The following NUCB1 variants were observed in gnomAD, a reference collection of about 807,000 sequenced individuals.
NUCB1 encodes nucleobindin-1.
A neutral mutation model predicts 61.2 loss-of-function variants in NUCB1; 47 were observed. The observed-to-expected ratio is 0.77, with a 90% CI of 0.61 to 0.98. NUCB1 has a LOEUF of 0.98. Ranked by LOEUF, NUCB1 falls within the 50% of genes least tolerant of loss-of-function variation. The pLI is 0.00. For missense variants in NUCB1, 583 were observed against 605.3 expected, an observed-to-expected ratio of 0.96 and a Z score of 0.39; for synonymous variants, 234 against 243.1, an observed-to-expected ratio of 0.96 and a Z score of 0.35.
At chr19:48,901,573 G>A (rs2037353665) in intron 2 of NUCB1, among the ~76,000 whole-genome samples, 1 of 152,188 alleles carries the variant, frequency 6.6e-6, no homozygotes, top group African/African-American at 2.4e-5. Context: ...AGACCAGCCT[G>A]GCCAACATGG....
chr19:48,905,919 G>GGGGGGTGGGGGGGGGGGGGGGGGGGGC, intron 4 of NUCB1, 34 bp downstream of exon 4: 1 of 1,236,170 alleles, frequency 8.1e-7, no homozygotes, highest in Non-Finnish European at 1.1e-6. Context: ...GACAGGCAGG[G>GGGGGGTGGGGGGGGGGGGGGGGGGGGC]AGGGGTGGGG....
chr19:48,910,369 C>T (rs2037458939), intron 4 of NUCB1, among the ~76,000 whole-genome samples: 1 of 59,746 alleles, frequency 1.7e-5, no homozygotes, highest in Non-Finnish European at 3.2e-5. Flanking sequence ...AGCCACCGCA[C>T]CCAGCCTTGT....
chr19:48,908,112 T>C (rs930684335), intron 4 of NUCB1, among the ~76,000 whole-genome samples: 12 of 152,110 alleles, frequency 7.9e-5, no homozygotes, highest in African/African-American at 2.9e-4. Flanking sequence ...GACTGGGTGC[T>C]CCAAGAGGCA....
At chr19:48,920,557 C>G (rs2037597637) in intron 10 of NUCB1, among the ~76,000 whole-genome samples, 1 of 151,962 alleles carries the variant, frequency 6.6e-6, no homozygotes, top group Non-Finnish European at 1.5e-5. Context: ...GAGTTTTGCT[C>G]TTGTTGCCCA....
chr19:48,904,285 A>G (rs1600052323), intron 2 of NUCB1, 62 bp from the exon 3 acceptor site: 1 of 1,101,602 alleles, frequency 9.1e-7, no homozygotes, highest in East Asian at 2.4e-5. Context: ...TAGCAGTAAC[A>G]GGAGTGAGGG....
rs757393286 is a variant in NUCB1, at chr19:48,921,947, C to T, written c.1279+15C>T. 1.7e-5 allele frequency: 26 copies of T among 1,567,546 alleles called. No homozygotes were observed. The South Asian group carries it at 2.4e-4, about 14-fold the overall frequency. ...CCCAGACACAGGTGCTGGCCCTAGT[C>T]CAGGGAGGAGGGGCTGCAGGGCTGG... On this transcript the variant is annotated intron_variant, in intron 12 of 12. Transcript: ENST00000405315.
intron 1 of NUCB1, 185 bp downstream of exon 1, chr19:48,900,557 G>A (rs1025989849): frequency 5.1e-6 from 3 of 583,778 alleles, no homozygotes; most frequent in Admixed American, 6.3e-5. Context: ...ATTCCTGAGT[G>A]TGAGAGAGGA....
chr19:48,917,650 T>C (rs950802118), intron 7 of NUCB1, among the ~76,000 whole-genome samples: 1 of 152,052 alleles, frequency 6.6e-6, no homozygotes, highest in Non-Finnish European at 1.5e-5. Flanking sequence ...GCACTTGGCA[T>C]TATGCCTGGC....
At chr19:48,920,055 C>T (rs1448293478) in intron 10 of NUCB1, among the ~76,000 whole-genome samples, 1 of 151,342 alleles carries the variant, frequency 6.6e-6, no homozygotes, top group Non-Finnish European at 1.5e-5. Context: ...AGGCATGCAC[C>T]ACCGCACCAC....
At chr19:48,909,248 TA>T (rs539489679) in intron 4 of NUCB1, among the ~76,000 whole-genome samples, 5,201 of 133,462 alleles carry the variant, frequency 0.039, 219 homozygotes, top group African/African-American at 0.15. Context: ...TTATTATTAT[TA>T]TTTTTTTTTT....
In NUCB1 at chr19:48,923,287, C is replaced by T. The variant is rs952955369; in HGVS notation, c.*863C>T. On this transcript the variant is annotated 3_prime_UTR_variant, in exon 13 of 13. Transcript: ENST00000405315. ...CTGGAACAAATGCATGGCTCCATGC[C>T]TGTGTATCTGGACTGGTCCCTCCAA... 5 of 152,336 alleles carry T rather than the reference C, an allele frequency of 3.3e-5. No individual in the cohort carries two copies. The highest frequency in any genetic ancestry group is 4.8e-5 in the African/African-American group (2 of 41,458). 9.4% of individuals were successfully genotyped at this position (152,336 alleles called of 1,614,324 possible).
At chr19:48,918,647 G>A in intron 7 of NUCB1, 79 bp from the exon 8 acceptor site, 3 of 1,217,128 alleles carry the variant, frequency 2.5e-6, no homozygotes, top group Non-Finnish European at 3.7e-6. Context: ...CCCCACATCA[G>A]CCCAAAATTT....
chr19:48,902,831 G>C (rs538691049), intron 2 of NUCB1, among the ~76,000 whole-genome samples: 1 of 152,022 alleles, frequency 6.6e-6, no homozygotes, highest in African/African-American at 2.4e-5. Flanking sequence ...AGTTGAGGAC[G>C]TCAAGGAGGC....
intron 7 of NUCB1, 62 bp from the exon 8 acceptor site, chr19:48,918,664 C>G (rs760199608): frequency 7.1e-7 from 1 of 1,418,082 alleles, no homozygotes; most frequent in East Asian, 2.3e-5. Context: ...ATTTCTTCAC[C>G]AGGGACCTTA....
chr19:48,911,073 T>C (rs1316370501), intron 4 of NUCB1, 76 bp from the exon 5 acceptor site: 10 of 1,107,228 alleles, frequency 9.0e-6, no homozygotes, highest in Middle Eastern at 4.0e-4. Context: ...CGTGACTTCT[T>C]TGGATCATGT....
intron 5 of NUCB1, 150 bp from the exon 6 acceptor site, chr19:48,912,861 A>AAC (rs1555791692): frequency 1.1e-5 from 5 of 442,336 alleles, no homozygotes; most frequent in Non-Finnish European, 1.6e-5. Flanking sequence ...AAAAAAAAAA[A>AAC]AGGGACATTA....
intron 5 of NUCB1, among the ~76,000 whole-genome samples, chr19:48,911,496 C>G (rs188861581): frequency 6.6e-6 from 1 of 151,310 alleles, no homozygotes; most frequent in Admixed American, 6.6e-5. Flanking sequence ...ACCTCCGCCT[C>G]CCGGGTTCAA....
At chr19:48,903,438 A>G (rs1463870799) in intron 2 of NUCB1, among the ~76,000 whole-genome samples, 8 of 65,192 alleles carry the variant, frequency 1.2e-4, no homozygotes, top group African/African-American at 7.3e-4. Flanking sequence ...GGATGAGTGG[A>G]TGGATGGATG....
chr19:48,907,621 G>C (rs990640871), intron 4 of NUCB1, among the ~76,000 whole-genome samples: 25 of 152,108 alleles, frequency 1.6e-4, no homozygotes, highest in African/African-American at 5.8e-4. Context: ...GGACCCCTTA[G>C]CCCGGAAAGG....
Sources: gnomAD v4.1 joint callset for allele counts (sites outside exome capture counted in the v4.1 genomes callset) on GRCh38, gnomAD v4.1.1 for gene constraint, MANE v1.5 for transcripts, NCBI Gene and HGNC (gene_info 2026-07-23, HGNC 2026-07-21) for gene names.